The following PRDM16 variants were observed in gnomAD, a reference collection of about 807,000 sequenced individuals.
PRDM16 encodes the protein histone-lysine N-methyltransferase PRDM16.
PRDM16 carries 23 observed loss-of-function variants against 110.6 expected under a neutral mutation model. The ratio of observed to expected loss-of-function variants is 0.21; its 90% CI spans 0.15 to 0.29. PRDM16 has a LOEUF of 0.29. PRDM16 is among the 10% of genes least tolerant of loss of function. PRDM16 has a pLI of 1.00. For missense variants in PRDM16, 1,615 were observed against 1,794.3 expected (o/e 0.90, Z 1.81); for synonymous variants, 799 against 781.8 (o/e 1.02, Z -0.37).
chr1:3,103,987 C>T (rs1050030054), intron 1 of PRDM16, among the ~76,000 whole-genome samples: 10 of 152,214 alleles, frequency 6.6e-5, no homozygotes, highest in Non-Finnish European at 5.9e-5. Context: ...TTTTTTAAAA[C>T]CCAGCAGCTT....
intron 1 of PRDM16, among the ~76,000 whole-genome samples, chr1:3,076,853 G>A (rs1641912637): frequency 6.6e-6 from 1 of 152,202 alleles, no homozygotes; most frequent in Non-Finnish European, 1.5e-5. Flanking sequence ...TTTCTCCTCT[G>A]ACACCAAATG....
In PRDM16 at chr1:3,069,354, GC is replaced by G; in HGVS notation, c.37+59del. On this transcript the variant is annotated intron_variant, in intron 1 of 16. Coordinates refer to ENST00000270722, the MANE Select transcript of PRDM16 (RefSeq NM_022114.4). This position sits in a 1 kb window ranked among gnomAD's most constrained non-coding sequence, Gnocchi z 6.1. ...CCGGGGCCCGGGCCGCCGGGCCGGG[GC>G]GCCCGGGCCAGGGGTGCGCGTCGGG... is the stretch of plus-strand genomic sequence containing the variant. 1 of 908,538 alleles carries G rather than the reference GC, an allele frequency of 1.1e-6. No homozygotes were observed. Among genetic ancestry groups the G allele is most frequent in the Non-Finnish European group, 1.3e-6 (1 of 753,170 alleles). 56.3% of individuals were successfully genotyped at this position (908,538 alleles called of 1,614,324 possible).
chr1:3,384,378 G>A (rs934881567), intron 3 of PRDM16, among the ~76,000 whole-genome samples: 1 of 152,178 alleles, frequency 6.6e-6, no homozygotes, highest in African/African-American at 2.4e-5. Flanking sequence ...GAGGCTGGGG[G>A]GCCTGCAGCC....
chr1:3,176,180 T>TCTATCCATCC (rs1644085598), intron 1 of PRDM16, among the ~76,000 whole-genome samples: 4 of 33,956 alleles, frequency 1.2e-4, no homozygotes, highest in Admixed American at 4.9e-4. Flanking sequence ...TCCATCCATC[T>TCTATCCATCC]ATCCATCCAT....
At chr1:3,083,728 A>T (rs1460579987) in intron 1 of PRDM16, among the ~76,000 whole-genome samples, 1 of 152,084 alleles carries the variant, frequency 6.6e-6, no homozygotes, top group African/African-American at 2.4e-5. Flanking sequence ...CAGTTTCCAC[A>T]GCTGAGAGGG....
chr1:3,130,765 C>T (rs929403597), intron 1 of PRDM16, among the ~76,000 whole-genome samples: 19 of 139,416 alleles, frequency 1.4e-4, no homozygotes, highest in Admixed American at 2.1e-4. Context: ...GCTGCATGGC[C>T]TTTTCCTTGG....
At chr1:3,225,573 T>TGTGCGC (rs1336272072) in intron 2 of PRDM16, among the ~76,000 whole-genome samples, 53 of 129,906 alleles carry the variant, frequency 4.1e-4, no homozygotes, top group Admixed American at 1.6e-3. Flanking sequence ...TGTGTGTGTG[T>TGTGCGC]GCGCGCGCGC....
At position 3,157,045 on chromosome 1, in the gene PRDM16, G is replaced by A. The variant is rs924027792; in HGVS notation, c.38-29080G>A. Among the ~76,000 whole-genome samples, 2 of 152,202 alleles carry A rather than the reference G, an allele frequency of 1.3e-5. No homozygotes were observed. Among genetic ancestry groups the A allele is most frequent in the Admixed American group, 6.5e-5 (1 of 15,286 alleles). ...TAGAGGCTGGGCTGGGGCTGAGCAC[G>A]AGGGCCAAGAGGTGACCGCCGGCCA... On this transcript the variant is annotated intron_variant, in intron 1 of 16. Coordinates refer to ENST00000270722, the MANE Select transcript of PRDM16 (RefSeq NM_022114.4). The surrounding 1 kb of genome is among the most constrained non-coding windows in gnomAD (Gnocchi z 4.8).
At chr1:3,413,133 C>T (rs1643722126) in intron 9 of PRDM16, among the ~76,000 whole-genome samples, 1 of 151,334 alleles carries the variant, frequency 6.6e-6, no homozygotes, top group South Asian at 2.1e-4. Flanking sequence ...ACCCCACCCC[C>T]CACCCCAACC....
Position 3,201,239 on chromosome 1 carries a change from G to A in PRDM16, c.387+14765G>A, listed in dbSNP as rs775482290. 2.0e-5 allele frequency among the ~76,000 whole-genome samples: 3 copies of A among 152,096 alleles called. No homozygotes were observed. The highest frequency in any genetic ancestry group is 6.5e-5 in the Admixed American group (1 of 15,274). On this transcript the variant is annotated intron_variant, in intron 2 of 16. Coordinates refer to ENST00000270722, the MANE Select transcript of PRDM16 (RefSeq NM_022114.4). This position sits in a 1 kb window ranked among gnomAD's most constrained non-coding sequence, Gnocchi z 4.1. ...CTCCATTCATATGATCATAGGAGCT[G>A]GGGGGCTGGAGACAAATGTATTTCT...
At chr1:3,134,863 G>A (rs1643404754) in intron 1 of PRDM16, among the ~76,000 whole-genome samples, 1 of 152,226 alleles carries the variant, frequency 6.6e-6, no homozygotes, top group Admixed American at 6.5e-5. Context: ...GAACCCGCGT[G>A]GGACACCCGG....
intron 3 of PRDM16, among the ~76,000 whole-genome samples, chr1:3,366,148 C>G (rs1432972700): frequency 6.6e-6 from 1 of 152,238 alleles, no homozygotes; most frequent in Non-Finnish European, 1.5e-5. Context: ...TCTAGCGCCC[C>G]GATGTGCCGA....
intron 1 of PRDM16, among the ~76,000 whole-genome samples, chr1:3,117,704 G>A (rs1431655153): frequency 6.6e-6 from 1 of 152,104 alleles, no homozygotes; most frequent in Non-Finnish European, 1.5e-5. Context: ...CCCAGGTCCC[G>A]TCTGGCCTCC....
intron 3 of PRDM16, among the ~76,000 whole-genome samples, chr1:3,364,882 GTTCCCACCTGGCGAGCGCTGCC>G (rs1557634928): frequency 6.6e-6 from 1 of 152,196 alleles, no homozygotes; most frequent in Non-Finnish European, 1.5e-5. Flanking sequence ...GGGTGCTGCT[GTTCCCACCTGGCGAGCGCTGCC>G]TTCTGCACGC....
chr1:3,228,297 C>T lies in PRDM16; in HGVS notation c.388-15790C>T, dbSNP rs924702579. On this transcript the variant is annotated intron_variant, in intron 2 of 16. Coordinates refer to ENST00000270722, the MANE Select transcript of PRDM16 (RefSeq NM_022114.4). The stretch of plus-strand genomic sequence containing the variant: ...CCTTGAAAGTGGAACAGGATCCCAC[C>T]GTTTTCTGCCTGAACGTGCACAGGT... Among the ~76,000 whole-genome samples the T allele has an allele frequency of 2.0e-5, 3 of 152,206 alleles. 1 individual carries two copies. In the Middle Eastern group the frequency reaches 9.5e-3, roughly 482 times the overall value.
rs1638885826 is a variant in PRDM16 at position 3,435,613 on chromosome 1, A to G, written c.*1802A>G. ...GTTGCCCTTTAAAAAAAAAGAGCGTAAATACAAACAGGAGTGGTGCAAGCC... is the reference window on the plus strand; with the variant it reads ...GTTGCCCTTTAAAAAAAAAGAGCGTGAATACAAACAGGAGTGGTGCAAGCC... On this transcript the variant is annotated 3_prime_UTR_variant, in exon 17 of 17. Transcript: ENST00000270722. 4.3e-6 allele frequency: 1 copy of G among 232,906 alleles called. No individual in the cohort carries two copies. Among genetic ancestry groups the G allele is most frequent in the East Asian group, 6.0e-5 (1 of 16,552 alleles). 14.4% of individuals were successfully genotyped at this position (232,906 alleles called of 1,614,324 possible).
At chr1:3,198,731 C>G (rs1273037063) in intron 2 of PRDM16, among the ~76,000 whole-genome samples, 2 of 152,198 alleles carry the variant, frequency 1.3e-5, no homozygotes, top group Admixed American at 1.3e-4. Flanking sequence ...GGATTACCAG[C>G]CGCACGCAGG....
intron 2 of PRDM16, among the ~76,000 whole-genome samples, chr1:3,210,903 C>T (rs974597223): frequency 2.6e-5 from 4 of 151,724 alleles, no homozygotes; most frequent in Admixed American, 2.6e-4. Context: ...TTTATTTATT[C>T]GATATGTATT....
Position 3,135,555 on chromosome 1 carries a change from G to C in PRDM16, c.38-50570G>C, listed in dbSNP as rs115597913. ...GCTGGTTCTATGTCCCAGCCCGACC[G>C]AGCCCTCCCCCTCCGTGGCCCGCAG... On this transcript the variant is annotated intron_variant, in intron 1 of 16. Coordinates refer to ENST00000270722, the MANE Select transcript of PRDM16 (RefSeq NM_022114.4). 9.3e-3 allele frequency among the ~76,000 whole-genome samples: 1,413 copies of C among 152,186 alleles called. 23 individuals are homozygous for C. Among genetic ancestry groups the C allele is most frequent in the African/African-American group, 0.031 (1,298 of 41,506 alleles).
Sources: gnomAD v4.1 joint callset for allele counts (sites outside exome capture counted in the v4.1 genomes callset) on GRCh38, gnomAD v4.1.1 for gene constraint, Gnocchi (gnomAD v3.1) non-coding constraint, MANE v1.5 for transcripts, NCBI Gene and HGNC (gene_info 2026-07-23, HGNC 2026-07-21) for gene names.